The following SMG7 variants were observed in gnomAD, a reference collection of about 807,000 sequenced individuals.
SMG7 encodes the protein nonsense-mediated mRNA decay factor SMG7.
In SMG7, 34 loss-of-function variants were observed where a neutral mutation model predicts 148.2. The observed-to-expected ratio is 0.23, with a 90% CI of 0.17 to 0.31. SMG7 has a LOEUF of 0.31. Ranked by LOEUF, SMG7 falls within the 10% of genes least tolerant of loss-of-function variation. The probability of loss-of-function intolerance (pLI) is 1.00; values close to 1 mark genes in which losing one functional copy is unlikely to be tolerated. For missense variants in SMG7, 1,114 were observed against 1,408.4 expected (o/e 0.79, Z 3.35); for synonymous variants, 492 against 515.1 (o/e 0.96, Z 0.61).
At chr1:183,526,016 TTAAA>T (rs1197732697) in intron 4 of SMG7, among the ~76,000 whole-genome samples, 3 of 151,978 alleles carry the variant, frequency 2.0e-5, no homozygotes, top group African/African-American at 7.3e-5. Context: ...TCCTATCCAG[TTAAA>T]TAATCTTTTT....
chr1:183,522,050 G>C (rs1426932149), intron 4 of SMG7, among the ~76,000 whole-genome samples: 1 of 152,086 alleles, frequency 6.6e-6, no homozygotes, highest in Non-Finnish European at 1.5e-5. Flanking sequence ...TTGAATTTCT[G>C]GAATCAGAGT....
rs1019929397 is a variant in SMG7 at position 183,550,000 on chromosome 1, A to G, written c.3133+77A>G. On this transcript the variant is annotated intron_variant, in intron 20 of 22. Transcript: ENST00000688051. Reference sequence around the variant, plus strand: ...TGATTAAGGGATAGTGAGATTCTGTAATTACAAATATATCATTTGTTGGGT... The same window carrying G: ...TGATTAAGGGATAGTGAGATTCTGTGATTACAAATATATCATTTGTTGGGT... The G allele has an allele frequency of 1.6e-5, 14 of 897,124 alleles. No homozygotes were observed. In the South Asian group the frequency reaches 3.2e-4, roughly 20 times the overall value. 55.6% of individuals were successfully genotyped at this position (897,124 alleles called of 1,614,324 possible).
chr1:183,542,553 G>A (rs370541655), intron 14 of SMG7, 51 bp downstream of exon 14: 21 of 1,489,096 alleles, frequency 1.4e-5, no homozygotes, highest in Non-Finnish European at 1.9e-5. Context: ...CACACAAAAG[G>A]CAAGATTTTT....
intron 2 of SMG7, among the ~76,000 whole-genome samples, chr1:183,515,274 GGAAACAGTCTACC>G (rs1477087235): frequency 6.6e-6 from 1 of 151,892 alleles, no homozygotes; most frequent in Non-Finnish European, 1.5e-5. Flanking sequence ...AAGTATCTTA[GGAAACAGTCTACC>G]GCTCATTAAA....
chr1:183,550,000 A>C, intron 20 of SMG7, 77 bp downstream of exon 20: 1 of 897,124 alleles, frequency 1.1e-6, no homozygotes, highest in South Asian at 2.3e-5. Context: ...GAGATTCTGT[A>C]ATTACAAATA....
chr1:183,528,277 TTAATG>T (rs1389488942), intron 6 of SMG7, among the ~76,000 whole-genome samples: 1 of 152,164 alleles, frequency 6.6e-6, no homozygotes, highest in Non-Finnish European at 1.5e-5. Flanking sequence ...ATAGAATCTC[TTAATG>T]TAATCTGATA....
In SMG7 at chr1:183,550,875, T is replaced by G. The variant is rs1252700919; in HGVS notation, c.3258T>G (p.Asp1086Glu). Residue 1086 changes from aspartate (D) to glutamate (E), a missense_variant, in exon 21 of 23, where the codon GAT becomes GAG. Physicochemically the swap from Asp to Glu is conservative, Grantham distance 45 (BLOSUM62 2). Transcript: ENST00000688051. ...FSNFGPIGTP[D>E]NRDRRTADRW... ...ATTTTGGACCCATTGGGACTCCAGATAACAGGGATAGAAGGACTGCAGATC... is the reference window on the plus strand; with the variant it reads ...ATTTTGGACCCATTGGGACTCCAGAGAACAGGGATAGAAGGACTGCAGATC... 1 of 1,614,130 alleles carries G rather than the reference T, an allele frequency of 6.2e-7. No homozygotes were observed. The highest frequency in any genetic ancestry group is 8.5e-7 in the Non-Finnish European group (1 of 1,179,992).
Position 183,552,745 on chromosome 1 carries a change from C to T in SMG7, c.*814C>T. ...TCAAATTACGTTTTTGATTCCTGTACATTTTACAGTCGCACAGCAAGCAGT... is the reference window on the plus strand; with the variant it reads ...TCAAATTACGTTTTTGATTCCTGTATATTTTACAGTCGCACAGCAAGCAGT... On this transcript the variant is annotated 3_prime_UTR_variant, in exon 23 of 23. Transcript: ENST00000688051. The T allele has an allele frequency of 1.5e-6, 2 of 1,366,684 alleles. No individual in the cohort carries two copies. Among genetic ancestry groups the T allele is most frequent in the South Asian group, 3.5e-5 (2 of 56,882 alleles). 84.7% of individuals were successfully genotyped at this position (1,366,684 alleles called of 1,614,324 possible).
Position 183,553,616 on chromosome 1 carries a change from C to G in SMG7, c.*1685C>G, listed in dbSNP as rs577336586. 16 of 156,614 alleles carry G rather than the reference C, an allele frequency of 1.0e-4. 1 individual carries two copies. The highest frequency in any genetic ancestry group is 3.0e-3 in the Middle Eastern group (1 of 328). The allele number at this position is 156,614 out of a possible 1,614,324, so 9.7% of individuals were successfully genotyped here. A position where few individuals can be genotyped will look rare whatever the true frequency, so the allele number is the denominator to read the frequency against. On this transcript the variant is annotated 3_prime_UTR_variant, in exon 23 of 23. Coordinates refer to ENST00000688051, the MANE Select transcript of SMG7 (RefSeq NM_001375584.1). ...CAGAGAGAGTGGTTGGAGCCCCCCC[C>G]GCCCCGTATGCTTACATTATTGCTC...
intron 1 of SMG7, among the ~76,000 whole-genome samples, chr1:183,498,810 ACT>A (rs1659129574): frequency 6.6e-6 from 1 of 151,964 alleles, no homozygotes; most frequent in African/African-American, 2.4e-5. Flanking sequence ...GGTGTTGTAC[ACT>A]CTGTGGGTTT....
In SMG7 at chr1:183,537,928, C is replaced by T. The variant is rs151129559; in HGVS notation, c.1235-452C>T. Among the ~76,000 whole-genome samples the T allele has an allele frequency of 1.6e-3, 236 of 152,246 alleles. 1 individual carries two copies. The highest frequency in any genetic ancestry group is 5.4e-3 in the African/African-American group (225 of 41,540). ...TCCTCTTAAATCCATGCTCCTCAGG[C>T]ATTAATTTGCACATAAATCACCTGA... On this transcript the variant is annotated intron_variant, in intron 11 of 22. Coordinates refer to ENST00000688051, the MANE Select transcript of SMG7 (RefSeq NM_001375584.1).
At chr1:183,515,578 C>G (rs1290028126) in intron 2 of SMG7, among the ~76,000 whole-genome samples, 1 of 145,898 alleles carries the variant, frequency 6.9e-6, no homozygotes, top group African/African-American at 2.5e-5. Context: ...GGCAGAAATA[C>G]AAACAAAAAG....
chr1:183,541,164 GCACACGCGCGCGCA>G, intron 13 of SMG7, 61 bp downstream of exon 13: 2 of 1,458,396 alleles, frequency 1.4e-6, no homozygotes, highest in Admixed American at 1.8e-5. Context: ...ACACATGCGC[GCACACGCGCGCGCA>G]CACACACACA....
intron 4 of SMG7, among the ~76,000 whole-genome samples, chr1:183,525,635 A>G (rs1036110905): frequency 3.3e-5 from 5 of 152,116 alleles, no homozygotes; most frequent in African/African-American, 1.2e-4. Flanking sequence ...AAAAGTTGAC[A>G]GTAGATGAAA....
At chr1:183,481,053 C>T (rs923804633) in intron 1 of SMG7, among the ~76,000 whole-genome samples, 6 of 152,266 alleles carry the variant, frequency 3.9e-5, no homozygotes, top group South Asian at 2.1e-4. Flanking sequence ...TTAATCTTTG[C>T]GTTGCTTCTA....
chr1:183,479,050 T>C (rs1433471729), intron 1 of SMG7, among the ~76,000 whole-genome samples: 1 of 152,174 alleles, frequency 6.6e-6, no homozygotes, highest in East Asian at 1.9e-4. Context: ...ACATGGTAAG[T>C]GACAGCTTGT....
At chr1:183,506,273 G>T (rs1219642335) in intron 1 of SMG7, among the ~76,000 whole-genome samples, 2 of 152,132 alleles carry the variant, frequency 1.3e-5, no homozygotes, top group African/African-American at 2.4e-5. Flanking sequence ...AGTGTTGGGA[G>T]ATTTGAAAAT....
At chr1:183,536,537 A>C (rs1193335047) in intron 10 of SMG7, among the ~76,000 whole-genome samples, 1 of 152,178 alleles carries the variant, frequency 6.6e-6, no homozygotes, top group Non-Finnish European at 1.5e-5. Context: ...ACAGTTAACA[A>C]ATACATATAT....
At chr1:183,475,045 G>T (rs1245615966) in intron 1 of SMG7, among the ~76,000 whole-genome samples, 3 of 152,148 alleles carry the variant, frequency 2.0e-5, no homozygotes, top group Admixed American at 2.0e-4. Flanking sequence ...AGGAATGTAA[G>T]CCCAAAGAAG....
Sources: gnomAD v4.1 joint callset for allele counts (sites outside exome capture counted in the v4.1 genomes callset) on GRCh38, gnomAD v4.1.1 for gene constraint, MANE v1.5 for transcripts, NCBI Gene and HGNC (gene_info 2026-07-23, HGNC 2026-07-21) for gene names.